Variants in SYN2 observed in about 807,000 individuals in gnomAD.
SYN2 encodes synapsin-2.
In SYN2, 19 loss-of-function variants were observed where a neutral mutation model predicts 50.9. The observed-to-expected ratio is 0.37, with a 90% CI of 0.26 to 0.55. The LOEUF (loss-of-function observed/expected upper bound fraction) is 0.55. SYN2 is among the 20% of genes least tolerant of loss of function. SYN2 has a pLI of 0.81. For synonymous variants in SYN2, 255 were observed against 224.9 expected, an observed-to-expected ratio of 1.13 and a Z score of -1.20; for missense variants, 587 against 576.4, an observed-to-expected ratio of 1.02 and a Z score of -0.19.
At chr3:12,070,821 G>A in intron 1 of SYN2, 2 of 606,264 alleles carry the variant, frequency 3.3e-6, no homozygotes, top group South Asian at 2.8e-5. Flanking sequence ...TCCTCACCGA[G>A]CACAGCTACA....
Position 12,191,251 on chromosome 3 carries a change from AG to A in SYN2, c.*627del. 3 of 927,492 alleles carry A rather than the reference AG, an allele frequency of 3.2e-6. No homozygotes were observed. Among genetic ancestry groups the A allele is most frequent in the Non-Finnish European group, 3.9e-6 (3 of 777,252 alleles). 57.5% of individuals were successfully genotyped at this position (927,492 alleles called of 1,614,324 possible). On this transcript the variant is annotated 3_prime_UTR_variant, in exon 13 of 13. Coordinates refer to ENST00000621198, the MANE Select transcript of SYN2 (RefSeq NM_133625.6). ...GTTTCCCCTTTTCTCCCCTCTGAAG[AG>A]TGGTTCTTATGTGCAATCTGCAGTA...
chr3:12,161,621 G>A lies in SYN2; in HGVS notation c.837+13G>A, dbSNP rs1697651460. The stretch of plus-strand genomic sequence containing the variant: ...AGGCATGGGCAAGGTGAGGCAGAGA[G>A]GCCTGCTGTGCTTCAGGGTTGAACC... On this transcript the variant is annotated intron_variant, in intron 6 of 12. Coordinates refer to ENST00000621198, the MANE Select transcript of SYN2 (RefSeq NM_133625.6). 6 of 1,613,952 alleles carry A rather than the reference G, an allele frequency of 3.7e-6. No individual in the cohort carries two copies. In the African/African-American group the frequency reaches 4.0e-5, roughly 11 times the overall value.
intron 1 of SYN2, among the ~76,000 whole-genome samples, chr3:12,132,209 C>T (rs142062007): frequency 6.6e-6 from 1 of 152,048 alleles, no homozygotes; most frequent in Non-Finnish European, 1.5e-5. Flanking sequence ...TAGCTGTGTT[C>T]AGTAACTCTA....
intron 2 of SYN2, among the ~76,000 whole-genome samples, chr3:12,141,072 G>A (rs554424068): frequency 6.6e-6 from 1 of 152,284 alleles, no homozygotes; most frequent in African/African-American, 2.4e-5. Context: ...TTTCTCGGTA[G>A]GCACATGTCT....
chr3:12,049,222 A>G (rs1221940183), intron 1 of SYN2, among the ~76,000 whole-genome samples: 1 of 152,064 alleles, frequency 6.6e-6, no homozygotes, highest in African/African-American at 2.4e-5. Context: ...GAGGAGTTGT[A>G]GGAAGAACAT....
At chr3:12,159,769 G>C (rs1270330005) in intron 5 of SYN2, among the ~76,000 whole-genome samples, 2 of 152,184 alleles carry the variant, frequency 1.3e-5, no homozygotes, top group Admixed American at 6.5e-5. Context: ...CAGGCTGGGC[G>C]TGGTGGCTCA....
At chr3:12,110,368 C>T (rs557477632) in intron 1 of SYN2, among the ~76,000 whole-genome samples, 1 of 152,238 alleles carries the variant, frequency 6.6e-6, no homozygotes, top group South Asian at 2.1e-4. Context: ...CACTGGCTGG[C>T]ATTGAGTGCC....
At position 12,118,134 on chromosome 3, in the gene SYN2, G is replaced by T. The variant is rs528026842; in HGVS notation, c.378-22517G>T. On this transcript the variant is annotated intron_variant, in intron 1 of 12. Transcript: ENST00000621198. Reference sequence around the variant, plus strand: ...TTCAAAGTCTAAGTTTTATGTTCATGAGCAAATGTACCTCTTTTGGCTTAG... The same window carrying T: ...TTCAAAGTCTAAGTTTTATGTTCATTAGCAAATGTACCTCTTTTGGCTTAG... Among the ~76,000 whole-genome samples the T allele has an allele frequency of 1.9e-4, 29 of 152,334 alleles. No homozygotes were observed. In the South Asian group the frequency reaches 5.8e-3, roughly 30 times the overall value.
At chr3:12,037,457 G>A (rs2125146416) in intron 1 of SYN2, among the ~76,000 whole-genome samples, 1 of 152,274 alleles carries the variant, frequency 6.6e-6, no homozygotes, top group Middle Eastern at 3.4e-3. Flanking sequence ...ATTTATTATA[G>A]TTCTGAAGGC....
chr3:12,033,844 G>A (rs402149), intron 1 of SYN2, among the ~76,000 whole-genome samples: 134,691 of 152,044 alleles, frequency 0.89, 59,932 homozygotes, highest in East Asian at 0.97. Context: ...ATGTGTCAGT[G>A]CTTCATTCCT....
chr3:12,147,715 G>A lies in SYN2; in HGVS notation c.684+1880G>A, dbSNP rs1334658601. 2.6e-5 allele frequency among the ~76,000 whole-genome samples: 4 copies of A among 152,234 alleles called. No homozygotes were observed. In the East Asian group the frequency reaches 5.8e-4, roughly 22 times the overall value. On this transcript the variant is annotated intron_variant, in intron 4 of 12. Coordinates refer to ENST00000621198, the MANE Select transcript of SYN2 (RefSeq NM_133625.6). Reference sequence around the variant, plus strand: ...TTCACTGCTTATCAACTCTCTGACCGAACCTGTGCCCCAGTTTCTTCATCT... The same window carrying A: ...TTCACTGCTTATCAACTCTCTGACCAAACCTGTGCCCCAGTTTCTTCATCT...
At chr3:12,062,539 G>A (rs1445623740) in intron 1 of SYN2, among the ~76,000 whole-genome samples, 5 of 151,942 alleles carry the variant, frequency 3.3e-5, no homozygotes, top group Non-Finnish European at 7.4e-5. Context: ...CTGCTCTATA[G>A]AAGACATTGT....
At chr3:12,010,441 C>T (rs1693892079) in intron 1 of SYN2, among the ~76,000 whole-genome samples, 2 of 152,164 alleles carry the variant, frequency 1.3e-5, no homozygotes, top group Admixed American at 1.3e-4. Flanking sequence ...TGGGAGAGGA[C>T]AGGCATTTAA....
chr3:12,016,215 G>A (rs1225761127), intron 1 of SYN2, among the ~76,000 whole-genome samples: 6 of 152,108 alleles, frequency 3.9e-5, no homozygotes, highest in Non-Finnish European at 8.8e-5. Flanking sequence ...CTAATGGTGA[G>A]AATTTAAGTT....
intron 10 of SYN2, among the ~76,000 whole-genome samples, chr3:12,175,607 C>G (rs1235372765): frequency 3.3e-5 from 5 of 152,252 alleles, no homozygotes; most frequent in Non-Finnish European, 7.3e-5. Flanking sequence ...CTTGTCTACC[C>G]TTCTCTGTTT....
chr3:12,158,592 G>T (rs1697531664), intron 5 of SYN2: 1 of 1,490,724 alleles, frequency 6.7e-7, no homozygotes, highest in Non-Finnish European at 9.0e-7. Flanking sequence ...GAGACAACCG[G>T]TAAGAATTTG....
At chr3:12,055,008 A>G (rs538800510) in intron 1 of SYN2, among the ~76,000 whole-genome samples, 4 of 152,164 alleles carry the variant, frequency 2.6e-5, no homozygotes, top group Non-Finnish European at 5.9e-5. Context: ...AGTGAACAGT[A>G]TAGGAGATCT....
chr3:12,154,447 CT>C, intron 5 of SYN2: 1 of 1,614,054 alleles, frequency 6.2e-7, no homozygotes, highest in South Asian at 1.1e-5. Context: ...CACTGAGGAC[CT>C]GACCTTCAAG....
chr3:12,037,800 A>T (rs1370462208), intron 1 of SYN2, among the ~76,000 whole-genome samples: 1 of 152,184 alleles, frequency 6.6e-6, no homozygotes, highest in South Asian at 2.1e-4. Context: ...ACACACTCAA[A>T]CCATAGCAAA....
Sources: allele counts gnomAD v4.1 joint callset (sites outside exome capture counted in the v4.1 genomes callset), GRCh38; gene constraint gnomAD v4.1.1; transcripts MANE v1.5; gene names NCBI Gene and HGNC (gene_info 2026-07-23, HGNC 2026-07-21).